C16orf89: variants seen among roughly 807,000 people sequenced by gnomAD.
C16orf89 encodes chromosome 16 open reading frame 89, also known as UPF0764 protein C16orf89.
C16orf89 carries 57 observed loss-of-function variants against 41.5 expected under a neutral mutation model. That is an observed-to-expected ratio of 1.38 (90% CI 1.11 to 1.71). C16orf89 has a LOEUF of 1.71. Ranked by LOEUF, C16orf89 falls within the 40% of genes most tolerant of loss-of-function variation. C16orf89 has a pLI of 0.00. For synonymous variants in C16orf89, 223 were observed against 190.6 expected, an observed-to-expected ratio of 1.17 and a Z score of -1.40; for missense variants, 575 against 445.9, an observed-to-expected ratio of 1.29 and a Z score of -2.61.
chr16:5,049,454 C>T (rs1567151418), intron 6 of C16orf89, among the ~76,000 whole-genome samples: 3 of 152,040 alleles, frequency 2.0e-5, no homozygotes, highest in Non-Finnish European at 1.5e-5. Flanking sequence ...TATGTTAGGC[C>T]AAAAAACAAG....
intron 1 of C16orf89, among the ~76,000 whole-genome samples, chr16:5,065,050 TTG>T (rs1022536074): frequency 1.3e-5 from 2 of 151,764 alleles, no homozygotes; most frequent in Non-Finnish European, 1.5e-5. Flanking sequence ...ACCTGTGTGC[TTG>T]TGTGTGTGTG....
At position 5,050,832 on chromosome 16, in the gene C16orf89, A is replaced by G. The variant is rs142885881; in HGVS notation, c.869-2868T>C. Among the ~76,000 whole-genome samples, 556 of 152,352 alleles carry G rather than the reference A, an allele frequency of 3.6e-3. 3 individuals carry two copies. Among genetic ancestry groups the G allele is most frequent in the African/African-American group, 0.013 (524 of 41,582 alleles). On this transcript the variant is annotated intron_variant, in intron 6 of 7. Coordinates refer to ENST00000472572, the MANE Select transcript of C16orf89 (RefSeq NM_001098514.3). ...TTCCAGTAAGTAATGAATGTTTTGC[A>G]TTTTAAAAAAAATCATTCATCATGA... is the stretch of plus-strand genomic sequence containing the variant.
intron 4 of C16orf89, among the ~76,000 whole-genome samples, chr16:5,057,896 C>T (rs542631124): frequency 6.6e-6 from 1 of 152,096 alleles, no homozygotes; most frequent in South Asian, 2.1e-4. Context: ...TTCTCTCTCT[C>T]GTTGTGTTTT....
chr16:5,057,127 A>G (rs1216440349), intron 4 of C16orf89, among the ~76,000 whole-genome samples: 2 of 151,824 alleles, frequency 1.3e-5, no homozygotes, highest in African/African-American at 4.8e-5. Context: ...AATCCCAGCT[A>G]CTTGGGAGGC....
intron 1 of C16orf89, among the ~76,000 whole-genome samples, chr16:5,063,086 A>G (rs140446277): frequency 1.8e-4 from 28 of 152,252 alleles, no homozygotes; most frequent in African/African-American, 6.3e-4. Flanking sequence ...GTGGGCTAGC[A>G]GTGGCTTTGT....
chr16:5,054,905 A>T (rs1036467326), intron 6 of C16orf89, among the ~76,000 whole-genome samples: 1 of 152,174 alleles, frequency 6.6e-6, no homozygotes, highest in African/African-American at 2.4e-5. Context: ...AGCAGTGTGC[A>T]ACTGTGAGTC....
Position 5,053,627 on chromosome 16 carries a change from G to T in C16orf89, c.868+1619C>A, listed in dbSNP as rs1956437433. ...GCAGTCATGGCTCACTGCAGCCTCG[G>T]CCTCCTGCTGGGCTCAAGTGATTCT... On this transcript the variant is annotated intron_variant, in intron 6 of 7. Coordinates refer to ENST00000472572, the MANE Select transcript of C16orf89 (RefSeq NM_001098514.3). Among the ~76,000 whole-genome samples the T allele has an allele frequency of 2.0e-5, 3 of 151,752 alleles. No homozygotes were observed. The South Asian group carries it at 6.3e-4, about 32-fold the overall frequency.
chr16:5,054,190 G>A (rs944510917), intron 6 of C16orf89, among the ~76,000 whole-genome samples: 2 of 152,236 alleles, frequency 1.3e-5, no homozygotes, highest in Non-Finnish European at 2.9e-5. Flanking sequence ...GAGCTGCCGT[G>A]TACCTGGCAC....
intron 7 of C16orf89, among the ~76,000 whole-genome samples, chr16:5,045,267 C>T (rs1299227335): frequency 6.6e-6 from 1 of 152,244 alleles, no homozygotes; most frequent in Non-Finnish European, 1.5e-5. Context: ...GAGCCCCTGG[C>T]CCTGGTGACT....
chr16:5,060,705 T>C (rs2142664285), intron 2 of C16orf89, among the ~76,000 whole-genome samples: 1 of 152,164 alleles, frequency 6.6e-6, no homozygotes, highest in East Asian at 2.0e-4. Context: ...CCCAGATAAA[T>C]AAAAGGTTTA....
chr16:5,046,982 C>T (rs991750156), intron 7 of C16orf89, among the ~76,000 whole-genome samples: 3 of 152,158 alleles, frequency 2.0e-5, no homozygotes, highest in Non-Finnish European at 4.4e-5. Context: ...GGTCACTTGC[C>T]CATTCATTGG....
intron 4 of C16orf89, among the ~76,000 whole-genome samples, chr16:5,057,757 G>T (rs1484009471): frequency 2.0e-5 from 3 of 151,972 alleles, no homozygotes; most frequent in Non-Finnish European, 4.4e-5. Flanking sequence ...TCGAACTCCT[G>T]ATCTCAAGTG....
At chr16:5,055,572 C>G in intron 5 of C16orf89, 1 of 1,205,430 alleles carries the variant, frequency 8.3e-7, no homozygotes, top group Non-Finnish European at 1.1e-6. Context: ...TTGGTCAGGG[C>G]TGCTCCAAAG....
In C16orf89 at chr16:5,048,092, A is replaced by G. The variant is rs145234936; in HGVS notation, c.869-128T>C. On this transcript the variant is annotated intron_variant, in intron 6 of 7. Transcript: ENST00000472572. The stretch of plus-strand genomic sequence containing the variant: ...TGGCCAGGCTGGGTGCAGTAACGCA[A>G]TCATAGCTCACCACAACCTCGAACT... 3.4e-3 allele frequency: 2,061 copies of G among 614,756 alleles called. 9 individuals carry two copies. Among genetic ancestry groups the G allele is most frequent in the Non-Finnish European group, 4.8e-3 (1,669 of 347,944 alleles). The allele number at this position is 614,756 out of a possible 1,614,324, so 38.1% of individuals were successfully genotyped here.
chr16:5,060,542 G>T lies in C16orf89; in HGVS notation c.359-106C>A. 3.4e-6 allele frequency: 4 copies of T among 1,180,104 alleles called. 1 individual carries two copies. The East Asian group carries it at 1.0e-4, about 31-fold the overall frequency. The allele number at this position is 1,180,104 out of a possible 1,614,324, so 73.1% of individuals were successfully genotyped here. ...CCTGCAGCCCTGCCCACTGGCAGGT[G>T]CAGCTCAGGGCTCTAAGCCCTGTCC... is the stretch of plus-strand genomic sequence containing the variant. On this transcript the variant is annotated intron_variant, in intron 2 of 7. Transcript: ENST00000472572.
intron 1 of C16orf89, among the ~76,000 whole-genome samples, chr16:5,065,162 C>T (rs749846324): frequency 7.2e-5 from 11 of 152,158 alleles, no homozygotes; most frequent in Middle Eastern, 3.4e-3. Flanking sequence ...GCATGATGTG[C>T]GCATGTGTGT....
At chr16:5,057,050 C>T (rs1441110932) in intron 4 of C16orf89, among the ~76,000 whole-genome samples, 1 of 151,778 alleles carries the variant, frequency 6.6e-6, no homozygotes, top group Non-Finnish European at 1.5e-5. Context: ...CCAGCCTGGC[C>T]AACATGGTGA....
intron 7 of C16orf89, among the ~76,000 whole-genome samples, chr16:5,045,134 C>A (rs1448894511): frequency 6.6e-6 from 1 of 152,252 alleles, no homozygotes; most frequent in African/African-American, 2.4e-5. Context: ...CTGTCCAGCT[C>A]CTGCCTGGCT....
Position 5,065,954 on chromosome 16 carries a change from T to A in C16orf89, c.-46A>T. On this transcript the variant is annotated 5_prime_UTR_variant, in exon 1 of 8. Coordinates refer to ENST00000472572, the MANE Select transcript of C16orf89 (RefSeq NM_001098514.3). ...TGGTCACACGCTCAGCACCCTGAGC[T>A]CTGGCCAAGCCCAGACTGCCTCTGC... 2 of 1,602,000 alleles carry A rather than the reference T, an allele frequency of 1.2e-6. No individual in the cohort carries two copies. Among genetic ancestry groups the A allele is most frequent in the South Asian group, 2.2e-5 (2 of 89,604 alleles).
Sources: allele counts gnomAD v4.1 joint callset (sites outside exome capture counted in the v4.1 genomes callset), GRCh38; gene constraint gnomAD v4.1.1; transcripts MANE v1.5; gene names NCBI Gene and HGNC (gene_info 2026-07-23, HGNC 2026-07-21).